Variants in DLG2 observed in about 807,000 individuals in gnomAD.
The protein encoded by DLG2 is disks large homolog 2.
Under a neutral mutation model 132.5 loss-of-function variants are expected in DLG2, and 45 were observed. The ratio of observed to expected loss-of-function variants is 0.34; its 90% CI spans 0.27 to 0.44. DLG2 has a LOEUF of 0.44. Ranked by LOEUF, DLG2 falls within the 20% of genes least tolerant of loss-of-function variation. DLG2 has a pLI of 1.00. For missense variants in DLG2, 1,045 were observed against 1,196.9 expected (o/e 0.87, Z 1.87); for synonymous variants, 424 against 419.6 (o/e 1.01, Z -0.13).
intron 8 of DLG2, among the ~76,000 whole-genome samples, chr11:84,176,052 C>T (rs1362404679): frequency 6.6e-6 from 1 of 151,808 alleles, no homozygotes; most frequent in African/African-American, 2.4e-5. Flanking sequence ...TACATTATTG[C>T]ATTGGATTCT....
intron 14 of DLG2, among the ~76,000 whole-genome samples, chr11:83,935,001 C>A (rs919996678): frequency 6.6e-6 from 1 of 152,138 alleles, no homozygotes; most frequent in African/African-American, 2.4e-5. Flanking sequence ...GCATAAATTT[C>A]TTCATCATAT....
chr11:83,750,426 T>G (rs1256094170), intron 18 of DLG2, among the ~76,000 whole-genome samples: 1 of 152,162 alleles, frequency 6.6e-6, no homozygotes, highest in African/African-American at 2.4e-5. Context: ...AGATAAGAAT[T>G]ACCAAATGTA....
intron 6 of DLG2, among the ~76,000 whole-genome samples, chr11:84,587,134 T>C (rs575410074): frequency 1.3e-5 from 2 of 152,302 alleles, no homozygotes; most frequent in South Asian, 4.1e-4. Flanking sequence ...TTTTTGTCTG[T>C]GCAATTTGAG....
At chr11:85,265,820 G>T (rs1278625603) in intron 4 of DLG2, among the ~76,000 whole-genome samples, 1 of 152,196 alleles carries the variant, frequency 6.6e-6, no homozygotes, top group Non-Finnish European at 1.5e-5. Flanking sequence ...GAGAGGCAGA[G>T]AGATAACTTG....
chr11:83,467,771 G>GTGTATA (rs1283789103), intron 25 of DLG2, among the ~76,000 whole-genome samples: 31 of 85,054 alleles, frequency 3.6e-4, no homozygotes, highest in East Asian at 7.7e-4. Flanking sequence ...AAAACTATAT[G>GTGTATA]TATATATATA....
intron 7 of DLG2, among the ~76,000 whole-genome samples, chr11:84,286,354 G>A (rs965345349): frequency 2.6e-5 from 4 of 151,730 alleles, no homozygotes; most frequent in Non-Finnish European, 4.4e-5. Flanking sequence ...AGTGCAAGGG[G>A]GTAAAAAAAA....
At chr11:85,051,104 T>C (rs1343258051) in intron 6 of DLG2, among the ~76,000 whole-genome samples, 1 of 152,160 alleles carries the variant, frequency 6.6e-6, no homozygotes, top group Admixed American at 6.6e-5. Flanking sequence ...ATTAAGTTCC[T>C]ATTATTTTCA....
At chr11:84,856,903 C>A (rs1029266873) in intron 6 of DLG2, among the ~76,000 whole-genome samples, 2 of 151,806 alleles carry the variant, frequency 1.3e-5, no homozygotes, top group Non-Finnish European at 2.9e-5. Flanking sequence ...GTAATATAAA[C>A]AAGTAATATG....
chr11:84,987,533 A>G (rs1200938688), intron 6 of DLG2, among the ~76,000 whole-genome samples: 1 of 152,212 alleles, frequency 6.6e-6, no homozygotes. Flanking sequence ...TTAAGGCCAT[A>G]GTCACCAAAA....
At chr11:83,982,868 T>C (rs895179338) in intron 11 of DLG2, among the ~76,000 whole-genome samples, 1 of 152,162 alleles carries the variant, frequency 6.6e-6, no homozygotes, top group African/African-American at 2.4e-5. Context: ...TTAGATATGT[T>C]AAGTTACACA....
chr11:85,377,741 A>T (rs981225539), intron 3 of DLG2, among the ~76,000 whole-genome samples: 3 of 150,014 alleles, frequency 2.0e-5, no homozygotes, highest in Non-Finnish European at 4.4e-5. Flanking sequence ...TAACAATACC[A>T]TGGTGGCTCT....
intron 2 of DLG2, among the ~76,000 whole-genome samples, chr11:85,614,167 A>T (rs2153275190): frequency 6.6e-6 from 1 of 152,276 alleles, no homozygotes; most frequent in South Asian, 2.1e-4. Flanking sequence ...GACAGAATCC[A>T]CTCATTCCAG....
intron 6 of DLG2, among the ~76,000 whole-genome samples, chr11:84,539,788 G>A (rs1273569073): frequency 6.6e-6 from 1 of 152,122 alleles, no homozygotes; most frequent in South Asian, 2.1e-4. Context: ...GAGGCATCAT[G>A]CTACCTAACT....
intron 21 of DLG2, among the ~76,000 whole-genome samples, chr11:83,489,291 G>GCAAT (rs1203628597): frequency 1.8e-4 from 27 of 151,850 alleles, no homozygotes; most frequent in Admixed American, 2.6e-4. Flanking sequence ...CTATAAAAAT[G>GCAAT]CAATCAATCA....
chr11:84,200,114 A>T (rs2096572544), intron 8 of DLG2, among the ~76,000 whole-genome samples: 1 of 152,126 alleles, frequency 6.6e-6, no homozygotes, highest in Admixed American at 6.6e-5. Context: ...AGAAAAAATA[A>T]TGCACAAGAC....
chr11:83,849,789 A>C (rs1325465019), intron 16 of DLG2, among the ~76,000 whole-genome samples: 1 of 148,794 alleles, frequency 6.7e-6, no homozygotes, highest in African/African-American at 2.5e-5. Context: ...AAAATATTAC[A>C]TTTATAACGC....
chr11:85,176,244 T>C (rs750675487), intron 4 of DLG2, among the ~76,000 whole-genome samples: 4 of 152,090 alleles, frequency 2.6e-5, no homozygotes, highest in Non-Finnish European at 4.4e-5. Flanking sequence ...CAAAACAGCA[T>C]GGTACCTGTA....
chr11:84,439,681 T>TA (rs1377007412), intron 7 of DLG2, among the ~76,000 whole-genome samples: 1 of 152,208 alleles, frequency 6.6e-6, no homozygotes, highest in African/African-American at 2.4e-5. Flanking sequence ...AGCAGGACCG[T>TA]AGCTTACTCT....
intron 18 of DLG2, among the ~76,000 whole-genome samples, chr11:83,733,397 T>C (rs1036192846): frequency 1.3e-5 from 2 of 152,162 alleles, no homozygotes; most frequent in African/African-American, 4.8e-5. Flanking sequence ...TCAGGCATGT[T>C]GACCTATCAC....
Sources: gnomAD v4.1 joint callset for allele counts (sites outside exome capture counted in the v4.1 genomes callset) on GRCh38, gnomAD v4.1.1 for gene constraint, MANE v1.5 for transcripts, NCBI Gene and HGNC (gene_info 2026-07-23, HGNC 2026-07-21) for gene names.